MACROD1: variants seen among roughly 807,000 people sequenced by gnomAD.
MACROD1 encodes the protein mono-ADP ribosylhydrolase 1, also known as ADP-ribose glycohydrolase MACROD1.
In MACROD1, 31 loss-of-function variants were observed where a neutral mutation model predicts 41.4. The ratio of observed to expected loss-of-function variants is 0.75; its 90% CI spans 0.56 to 1.01. MACROD1 has a LOEUF of 1.01. Ranked by LOEUF, MACROD1 falls within the 50% of genes least tolerant of loss-of-function variation. MACROD1 has a pLI of 0.00. For synonymous variants in MACROD1, 252 were observed against 203.4 expected (o/e 1.24, Z -2.03); for missense variants, 473 against 460.0 (o/e 1.03, Z -0.26).
Position 64,165,923 on chromosome 11 carries a change from C to G in MACROD1, c.72G>C (p.Pro24=), listed in dbSNP as rs548561828. The G allele has an allele frequency of 1.5e-6, 2 of 1,325,856 alleles. No individual in the cohort carries two copies. The highest frequency in any genetic ancestry group is 4.3e-5 in the South Asian group (2 of 46,608). 82.1% of individuals were successfully genotyped at this position (1,325,856 alleles called of 1,614,324 possible). ...CCGCCAAGTGTCCGGGCCGGGGGCG[C>G]GGGGGGACGAGCAGCTGCCCCGCCG... The part of the protein sequence containing the change: ...LRAAGQLLVP[P]RPRPGHLAGA... Residue 24 remains proline, a synonymous_variant, in exon 1 of 11, where the codon CCG becomes CCC. Coordinates refer to ENST00000255681, the MANE Select transcript of MACROD1 (RefSeq NM_014067.4).
At chr11:64,147,354 G>A (rs1421487896) in intron 3 of MACROD1, among the ~76,000 whole-genome samples, 1 of 149,368 alleles carries the variant, frequency 6.7e-6, no homozygotes, top group Non-Finnish European at 1.5e-5. Context: ...TTACAAGAGT[G>A]AGCCACCGCC....
intron 3 of MACROD1, among the ~76,000 whole-genome samples, chr11:64,015,510 G>A (rs1943069033): frequency 6.6e-6 from 1 of 152,126 alleles, no homozygotes; most frequent in African/African-American, 2.4e-5. Context: ...ACACAGGAGA[G>A]CTATCAGGGC....
intron 3 of MACROD1, among the ~76,000 whole-genome samples, chr11:64,072,030 T>C (rs2134464383): frequency 6.6e-6 from 1 of 152,316 alleles, no homozygotes; most frequent in Admixed American, 6.5e-5. Context: ...AACGCACTAT[T>C]GACCGCCGCG....
chr11:64,042,038 G>A (rs928999397), intron 3 of MACROD1, among the ~76,000 whole-genome samples: 3 of 152,130 alleles, frequency 2.0e-5, no homozygotes, highest in African/African-American at 7.2e-5. Context: ...TCACTCTCTC[G>A]GGCAGCGGCC....
rs112890446 is a variant in MACROD1, at chr11:64,064,215, G to GA, written c.518-48935dup. ...ACATGAATAAAACATCAGTGTAGGG[G>GA]AAAAAAATCCCAAACTGCACAGCCT... On this transcript the variant is annotated intron_variant, in intron 3 of 10. Transcript: ENST00000255681. The surrounding 1 kb of genome is among the most constrained non-coding windows in gnomAD (Gnocchi z 4.5). Among the ~76,000 whole-genome samples, 2,214 of 152,166 alleles carry GA rather than the reference G, an allele frequency of 0.015. 59 individuals are homozygous for GA. The highest frequency in any genetic ancestry group is 0.05 in the African/African-American group (2,056 of 41,506).
intron 3 of MACROD1, chr11:64,118,121 GCTGCA>G (rs1284883403): frequency 6.2e-7 from 1 of 1,613,096 alleles, no homozygotes; most frequent in Non-Finnish European, 8.5e-7. Context: ...GCGGCCCTGG[GCTGCA>G]GATGCTGCCC....
rs549381132 is a variant in MACROD1, at chr11:64,067,006, T to C, written c.518-51725A>G. On this transcript the variant is annotated intron_variant, in intron 3 of 10. Coordinates refer to ENST00000255681, the MANE Select transcript of MACROD1 (RefSeq NM_014067.4). The surrounding 1 kb of genome is among the most constrained non-coding windows in gnomAD (Gnocchi z 4.6). The stretch of plus-strand genomic sequence containing the variant: ...GCATCCCAAGCCTCTGCCCTCACGC[T>C]AGGCAGTCCCTGGGGAGATTGGATG... Among the ~76,000 whole-genome samples, 1 of 152,196 alleles carries C rather than the reference T, an allele frequency of 6.6e-6. No individual in the cohort carries two copies. Among genetic ancestry groups the C allele is most frequent in the Non-Finnish European group, 1.5e-5 (1 of 68,022 alleles).
intron 3 of MACROD1, among the ~76,000 whole-genome samples, chr11:64,131,553 C>A (rs1754677701): frequency 6.6e-6 from 1 of 152,108 alleles, no homozygotes; most frequent in Admixed American, 6.5e-5. Context: ...TCTTGAACTC[C>A]CAACTTCAAT....
intron 3 of MACROD1, among the ~76,000 whole-genome samples, chr11:64,075,967 C>T (rs535119602): frequency 2.0e-5 from 3 of 152,368 alleles, no homozygotes; most frequent in African/African-American, 7.2e-5. Flanking sequence ...GGCCACTGTG[C>T]CCGGCCTGGC....
chr11:64,070,359 C>T (rs757070647), intron 3 of MACROD1, among the ~76,000 whole-genome samples: 20 of 152,264 alleles, frequency 1.3e-4, no homozygotes, highest in Middle Eastern at 3.4e-3. Context: ...CAATGATCCT[C>T]CTGGCCCTTC....
chr11:64,095,217 T>C (rs1356520934), intron 3 of MACROD1, among the ~76,000 whole-genome samples: 1 of 152,218 alleles, frequency 6.6e-6, no homozygotes, highest in Non-Finnish European at 1.5e-5. Flanking sequence ...GTCTCTCTTT[T>C]TCCCCCATTC....
rs542281919 is a variant in MACROD1, at chr11:64,080,115, C to T, written c.518-64834G>A. Among the ~76,000 whole-genome samples the T allele has an allele frequency of 1.7e-3, 256 of 152,318 alleles. 1 individual carries two copies. The highest frequency in any genetic ancestry group is 5.6e-3 in the African/African-American group (232 of 41,548). On this transcript the variant is annotated intron_variant, in intron 3 of 10. Transcript: ENST00000255681. The stretch of plus-strand genomic sequence containing the variant: ...GCAACCTCCGCCTCCCAGGTTCAAG[C>T]GATTCTCCTGTCTCAGCCTCCCGAG...
rs2622417 is a variant in MACROD1, at chr11:64,064,670, C to A, written c.518-49389G>T. Among the ~76,000 whole-genome samples, 4,451 of 136,320 alleles carry A rather than the reference C, an allele frequency of 0.033. 217 individuals carry two copies. The highest frequency in any genetic ancestry group is 0.13 in the African/African-American group (4,170 of 32,656). 89.4% of individuals were successfully genotyped at this position (136,320 alleles called of 152,430 possible). A position where few individuals can be genotyped will look rare whatever the true frequency, so the allele number is the denominator to read the frequency against. On this transcript the variant is annotated intron_variant, in intron 3 of 10. Coordinates refer to ENST00000255681, the MANE Select transcript of MACROD1 (RefSeq NM_014067.4). The surrounding 1 kb of genome is among the most constrained non-coding windows in gnomAD (Gnocchi z 4.5). Reference sequence around the variant, plus strand: ...TAGGGGCCTCTGGCAGGACATTAAACGGCACCGAGATAGAAGGAGGGGGGC... The same window carrying A: ...TAGGGGCCTCTGGCAGGACATTAAAAGGCACCGAGATAGAAGGAGGGGGGC...
At chr11:64,126,674 C>T (rs1195386997) in intron 3 of MACROD1, among the ~76,000 whole-genome samples, 2 of 151,954 alleles carry the variant, frequency 1.3e-5, no homozygotes, top group Non-Finnish European at 2.9e-5. Flanking sequence ...CTTGGCCAGC[C>T]CCTGGCGGCC....
intron 3 of MACROD1, chr11:64,060,385 G>A (rs1394632622): frequency 6.6e-6 from 1 of 152,258 alleles, no homozygotes; most frequent in Non-Finnish European, 1.5e-5. Context: ...AGACCCAGAA[G>A]GCCTCGGATT....
chr11:64,117,729 G>T (rs1347118580), intron 3 of MACROD1: 2 of 1,613,842 alleles, frequency 1.2e-6, no homozygotes, highest in East Asian at 2.2e-5. Context: ...GGTGCAGGGG[G>T]ACAAGACAGA....
intron 3 of MACROD1, chr11:64,117,133 C>G: frequency 6.2e-7 from 1 of 1,612,756 alleles, no homozygotes; most frequent in Non-Finnish European, 8.5e-7. Context: ...CCCTACAACA[C>G]GCTGGCCAAG....
At chr11:64,052,751 G>A (rs1938436026) in intron 3 of MACROD1, among the ~76,000 whole-genome samples, 5 of 152,238 alleles carry the variant, frequency 3.3e-5, no homozygotes. Flanking sequence ...GGGTGGAGTT[G>A]TGATGTAAAC....
intron 4 of MACROD1, among the ~76,000 whole-genome samples, chr11:64,012,195 C>T (rs1309539614): frequency 6.6e-6 from 1 of 151,996 alleles, no homozygotes; most frequent in African/African-American, 2.4e-5. Flanking sequence ...CCCCTAAATG[C>T]TGGAAGGAGA....
Sources: gnomAD v4.1 joint callset for allele counts (sites outside exome capture counted in the v4.1 genomes callset) on GRCh38, gnomAD v4.1.1 for gene constraint, Gnocchi (gnomAD v3.1) non-coding constraint, MANE v1.5 for transcripts, NCBI Gene and HGNC (gene_info 2026-07-23, HGNC 2026-07-21) for gene names.